Variants in CCDC85A observed in about 807,000 individuals in gnomAD.
The protein encoded by CCDC85A is coiled-coil domain-containing protein 85A.
CCDC85A carries 38 observed loss-of-function variants against 50.2 expected under a neutral mutation model. The observed-to-expected ratio is 0.76, with a 90% confidence interval of 0.58 to 0.99. The LOEUF (loss-of-function observed/expected upper bound fraction) is 0.99. CCDC85A is among the 50% of genes least tolerant of loss of function. The pLI is 0.00. For missense variants in CCDC85A, 820 were observed against 742.0 expected, an observed-to-expected ratio of 1.11 and a Z score of -1.22; for synonymous variants, 366 against 301.4, an observed-to-expected ratio of 1.21 and a Z score of -2.22.
chr2:56,279,536 A>T (rs1324233142), intron 2 of CCDC85A, among the ~76,000 whole-genome samples: 3 of 152,168 alleles, frequency 2.0e-5, no homozygotes, highest in African/African-American at 7.2e-5. Flanking sequence ...CTACTATTTT[A>T]ACTGTAATTA....
At chr2:56,357,912 A>G (rs10176080) in intron 3 of CCDC85A, among the ~76,000 whole-genome samples, 135,383 of 152,088 alleles carry the variant, frequency 0.89, 60,359 homozygotes, top group East Asian at 0.97. Context: ...TATCAGCTGG[A>G]GTCCTGGATA....
At chr2:56,322,687 G>C (rs62164361) in intron 2 of CCDC85A, among the ~76,000 whole-genome samples, 12 of 152,134 alleles carry the variant, frequency 7.9e-5, no homozygotes, top group South Asian at 6.2e-4. Flanking sequence ...CACTTTTACA[G>C]TGTTGGTGGG....
intron 3 of CCDC85A, among the ~76,000 whole-genome samples, chr2:56,369,534 T>C (rs1156520714): frequency 6.6e-6 from 1 of 152,130 alleles, no homozygotes; most frequent in South Asian, 2.1e-4. Context: ...TGTGAATTCA[T>C]TTGCCCATCT....
chr2:56,383,737 A>C (rs1003214527), intron 5 of CCDC85A: 1 of 985,026 alleles, frequency 1.0e-6, no homozygotes, highest in Non-Finnish European at 1.2e-6. Flanking sequence ...GGACTTAAAT[A>C]GCTCAATAAC....
At chr2:56,305,618 C>T (rs147363760) in intron 2 of CCDC85A, among the ~76,000 whole-genome samples, 4 of 152,380 alleles carry the variant, frequency 2.6e-5, no homozygotes, top group Non-Finnish European at 5.9e-5. Context: ...ATTTGCCTCA[C>T]AGGCAGCAGG....
chr2:56,263,326 C>A (rs1670298263), intron 2 of CCDC85A, among the ~76,000 whole-genome samples: 1 of 152,212 alleles, frequency 6.6e-6, no homozygotes, highest in Admixed American at 6.5e-5. Context: ...TTAAGAAATC[C>A]ATTCTTCTTT....
At chr2:56,323,108 C>T (rs531278296) in intron 2 of CCDC85A, among the ~76,000 whole-genome samples, 2 of 152,092 alleles carry the variant, frequency 1.3e-5, no homozygotes, top group East Asian at 1.9e-4. Flanking sequence ...AACACATGGA[C>T]ACAGGGTGGG....
chr2:56,205,797 T>A (rs1031340308), intron 2 of CCDC85A, among the ~76,000 whole-genome samples: 1 of 152,152 alleles, frequency 6.6e-6, no homozygotes, highest in Non-Finnish European at 1.5e-5. Context: ...GTAGTAGGTA[T>A]TATGTGAGGT....
chr2:56,299,998 G>T (rs776246341), intron 2 of CCDC85A, among the ~76,000 whole-genome samples: 7 of 152,146 alleles, frequency 4.6e-5, no homozygotes, highest in Non-Finnish European at 8.8e-5. Flanking sequence ...AATTGTGGGA[G>T]GTGAACAAGA....
chr2:56,231,567 G>C (rs1157283677), intron 2 of CCDC85A, among the ~76,000 whole-genome samples: 2 of 152,084 alleles, frequency 1.3e-5, no homozygotes, highest in Non-Finnish European at 2.9e-5. Flanking sequence ...TTCAATCTAA[G>C]AATGAGTCAG....
chr2:56,217,740 G>A (rs976228517), intron 2 of CCDC85A, among the ~76,000 whole-genome samples: 11 of 151,638 alleles, frequency 7.3e-5, no homozygotes. Flanking sequence ...CCTTCTAAAA[G>A]CTTGATGTAG....
chr2:56,267,308 C>T (rs1670493232), intron 2 of CCDC85A, among the ~76,000 whole-genome samples: 2 of 152,134 alleles, frequency 1.3e-5, no homozygotes, highest in Admixed American at 1.3e-4. Context: ...TCTTTAACAA[C>T]CAGTACTGCT....
At chr2:56,311,961 G>C (rs1672714136) in intron 2 of CCDC85A, among the ~76,000 whole-genome samples, 1 of 152,136 alleles carries the variant, frequency 6.6e-6, no homozygotes, top group African/African-American at 2.4e-5. Flanking sequence ...ATTAAAGTTT[G>C]AGAAGCCCAG....
chr2:56,294,280 C>G (rs1166136057), intron 2 of CCDC85A, among the ~76,000 whole-genome samples: 3 of 151,956 alleles, frequency 2.0e-5, no homozygotes, highest in African/African-American at 7.2e-5. Flanking sequence ...CACACTGGGG[C>G]CTTTTGGGGG....
intron 2 of CCDC85A, among the ~76,000 whole-genome samples, chr2:56,266,580 C>G (rs1421884216): frequency 1.2e-5 from 1 of 84,030 alleles, no homozygotes; most frequent in African/African-American, 4.2e-5. Context: ...AATAACGCGC[C>G]CCCCCCCCCC....
At chr2:56,354,592 A>G (rs1205804266) in intron 3 of CCDC85A, among the ~76,000 whole-genome samples, 1 of 152,172 alleles carries the variant, frequency 6.6e-6, no homozygotes, top group Non-Finnish European at 1.5e-5. Flanking sequence ...GATGGTAATG[A>G]GTGTAGCTTT....
chr2:56,339,050 C>T (rs889760886), intron 2 of CCDC85A, among the ~76,000 whole-genome samples: 5 of 152,150 alleles, frequency 3.3e-5, no homozygotes, highest in Non-Finnish European at 1.5e-5. Context: ...GAACAATTAA[C>T]AGGACCTTCT....
At chr2:56,342,798 A>G in intron 2 of CCDC85A, 81 bp from the exon 3 acceptor site, 1 of 864,172 alleles carries the variant, frequency 1.2e-6, no homozygotes, top group Non-Finnish European at 1.8e-6. Flanking sequence ...TCTGATTTGA[A>G]TAAATCAAGC....
rs143849907 is a variant in CCDC85A, at chr2:56,311,164, C to G, written c.1241-31715C>G. 2.8e-3 allele frequency among the ~76,000 whole-genome samples: 433 copies of G among 152,158 alleles called. 4 individuals carry two copies. Among genetic ancestry groups the G allele is most frequent in the African/African-American group, 0.01 (420 of 41,526 alleles). ...TAAAAATTCTTTAGAATTCTTGGTT[C>G]CCTGGTGATAAGGCTGACAGAGAGG... On this transcript the variant is annotated intron_variant, in intron 2 of 5. Coordinates refer to ENST00000407595, the MANE Select transcript of CCDC85A (RefSeq NM_001080433.2).
Sources: allele counts gnomAD v4.1 joint callset (sites outside exome capture counted in the v4.1 genomes callset), GRCh38; gene constraint gnomAD v4.1.1; transcripts MANE v1.5; gene names NCBI Gene and HGNC (gene_info 2026-07-23, HGNC 2026-07-21).